Variants in NELL1 observed in about 807,000 individuals in gnomAD.
The protein encoded by NELL1 is neural EGFL like 1.
Under a neutral mutation model 107.4 loss-of-function variants are expected in NELL1, and 76 were observed. The ratio of observed to expected loss-of-function variants is 0.71; its 90% CI spans 0.59 to 0.86. NELL1 has a LOEUF of 0.86. Ranked by LOEUF, NELL1 falls within the 40% of genes least tolerant of loss-of-function variation. The pLI, the probability that NELL1 is intolerant of heterozygous loss-of-function variation, is 0.00. For missense variants in NELL1, 1,024 were observed against 1,005.5 expected (o/e 1.02, Z -0.25); for synonymous variants, 353 against 341.2 (o/e 1.03, Z -0.38).
At chr11:21,460,701 G>C (rs2133871697) in intron 15 of NELL1, among the ~76,000 whole-genome samples, 2 of 152,078 alleles carry the variant, frequency 1.3e-5, no homozygotes, top group South Asian at 4.2e-4. Context: ...CTGGTTGCTA[G>C]AATCCTAAAG....
intron 13 of NELL1, among the ~76,000 whole-genome samples, chr11:21,188,350 A>G (rs1856977289): frequency 1.3e-5 from 2 of 151,782 alleles, no homozygotes; most frequent in South Asian, 4.1e-4. Context: ...ATCTCCATTA[A>G]GAATAACTGC....
intron 13 of NELL1, among the ~76,000 whole-genome samples, chr11:21,207,493 C>T (rs899130450): frequency 4.6e-5 from 7 of 152,098 alleles, no homozygotes; most frequent in African/African-American, 1.7e-4. Flanking sequence ...GAAACAGACC[C>T]ACATCACACT....
chr11:21,121,403 T>G (rs1456015973), intron 13 of NELL1, among the ~76,000 whole-genome samples: 1 of 152,146 alleles, frequency 6.6e-6, no homozygotes, highest in East Asian at 1.9e-4. Flanking sequence ...GAGGTATCTC[T>G]ATAGATGGGG....
chr11:21,077,797 A>T (rs1854175662), intron 12 of NELL1, among the ~76,000 whole-genome samples: 1 of 152,026 alleles, frequency 6.6e-6, no homozygotes, highest in Admixed American at 6.6e-5. Context: ...TAAATAAATA[A>T]CATATTACAA....
chr11:21,358,565 A>ATTTTTTTTTTTTTTTTTTT (rs75578174), intron 14 of NELL1, among the ~76,000 whole-genome samples: 4 of 97,684 alleles, frequency 4.1e-5, no homozygotes, highest in African/African-American at 7.3e-5. Flanking sequence ...TGCCCTGATA[A>ATTTTTTTTTTTTTTTTTTT]TTTTTTTTTT....
chr11:21,475,170 T>C (rs1299231639), intron 15 of NELL1, among the ~76,000 whole-genome samples: 2 of 152,200 alleles, frequency 1.3e-5, no homozygotes, highest in African/African-American at 4.8e-5. Context: ...ATGTTAACAT[T>C]GGTTATAACA....
chr11:21,180,086 G>A (rs371247510), intron 13 of NELL1, among the ~76,000 whole-genome samples: 64 of 151,062 alleles, frequency 4.2e-4, no homozygotes, highest in Middle Eastern at 3.4e-3. Context: ...TGGGCGGGGG[G>A]CTCTGGATTT....
intron 4 of NELL1, among the ~76,000 whole-genome samples, chr11:20,877,713 C>G (rs1849332359): frequency 6.6e-6 from 1 of 152,148 alleles, no homozygotes; most frequent in African/African-American, 2.4e-5. Context: ...TACTCTTTGC[C>G]TTGTCCTCTC....
At chr11:21,331,945 C>T (rs10833508) in intron 14 of NELL1, among the ~76,000 whole-genome samples, 8 of 151,774 alleles carry the variant, frequency 5.3e-5, no homozygotes, top group East Asian at 2.0e-4. Flanking sequence ...AGCTCTTTGG[C>T]GCTCTTTCCC....
chr11:20,943,579 T>G (rs1850902309), intron 10 of NELL1, among the ~76,000 whole-genome samples: 1 of 151,762 alleles, frequency 6.6e-6, no homozygotes, highest in Non-Finnish European at 1.5e-5. Flanking sequence ...AAGACCCCAT[T>G]TCAAAAAAAA....
At chr11:20,884,922 C>T (rs1314965807) in intron 4 of NELL1, among the ~76,000 whole-genome samples, 1 of 152,146 alleles carries the variant, frequency 6.6e-6, no homozygotes, top group African/African-American at 2.4e-5. Context: ...ACATGATCAT[C>T]TAGGCAGCTG....
chr11:21,556,763 A>G (rs924542655), intron 16 of NELL1, among the ~76,000 whole-genome samples: 3 of 152,018 alleles, frequency 2.0e-5, no homozygotes, highest in African/African-American at 7.2e-5. Flanking sequence ...TTGAAAAAAT[A>G]TTTCATTCGA....
chr11:20,917,114 T>G (rs1054375960), intron 5 of NELL1, among the ~76,000 whole-genome samples: 6 of 151,982 alleles, frequency 3.9e-5, no homozygotes, highest in Non-Finnish European at 8.8e-5. Flanking sequence ...TGTGCTCCAT[T>G]AATTGCTCCC....
In NELL1 at chr11:21,453,004, T is replaced by C. The variant is rs368236665; in HGVS notation, c.1646-81370T>C. Among the ~76,000 whole-genome samples, 3 of 152,034 alleles carry C rather than the reference T, an allele frequency of 2.0e-5. No homozygotes were observed. The East Asian group carries it at 5.8e-4, about 29-fold the overall frequency. On this transcript the variant is annotated intron_variant, in intron 15 of 19. Transcript: ENST00000357134. ...GTTCTATTTTTAATTTTCATTTTAA[T>C]TTGCTTTTGTCATAGAACATTCTCT...
At chr11:20,746,566 T>TCACACACACACACA (rs10556247) in intron 2 of NELL1, among the ~76,000 whole-genome samples, 5 of 149,380 alleles carry the variant, frequency 3.3e-5, no homozygotes, top group African/African-American at 1.2e-4. Context: ...GTGACAGATT[T>TCACACACACACACA]CACACACACA....
chr11:20,867,321 C>A lies in NELL1; in HGVS notation c.507-18123C>A, dbSNP rs10766734. Among the ~76,000 whole-genome samples, 39 of 152,074 alleles carry A rather than the reference C, an allele frequency of 2.6e-4. No homozygotes were observed. The East Asian group carries it at 7.1e-3, about 28-fold the overall frequency. ...AAAAAAAAGATGATGATTGACTCTA[C>A]GTCATGGGTTTAACTGAAGTAATGC... On this transcript the variant is annotated intron_variant, in intron 4 of 19. Transcript: ENST00000357134.
At chr11:21,006,368 C>G (rs953622329) in intron 12 of NELL1, among the ~76,000 whole-genome samples, 37 of 152,162 alleles carry the variant, frequency 2.4e-4, no homozygotes, top group African/African-American at 8.7e-4. Context: ...ATGCTGTCTT[C>G]CCCAGATATA....
intron 14 of NELL1, among the ~76,000 whole-genome samples, chr11:21,342,457 C>A (rs1284718102): frequency 1.4e-5 from 2 of 147,270 alleles, no homozygotes; most frequent in African/African-American, 5.1e-5. Flanking sequence ...CCAGCCTGGG[C>A]AACATAGCAA....
chr11:21,315,781 A>C (rs907297466), intron 14 of NELL1, among the ~76,000 whole-genome samples: 3 of 151,900 alleles, frequency 2.0e-5, no homozygotes, highest in African/African-American at 7.3e-5. Flanking sequence ...TGCTGGATTT[A>C]TTTTCCCTCC....
Sources: gnomAD v4.1 joint callset for allele counts (sites outside exome capture counted in the v4.1 genomes callset) on GRCh38, gnomAD v4.1.1 for gene constraint, MANE v1.5 for transcripts, NCBI Gene and HGNC (gene_info 2026-07-23, HGNC 2026-07-21) for gene names.